MYCT1: variants seen among roughly 807,000 people sequenced by gnomAD.
MYCT1 encodes the protein myc target protein 1.
A neutral mutation model predicts 15.0 loss-of-function variants in MYCT1; 12 were observed. The observed-to-expected ratio is 0.80, with a 90% CI of 0.51 to 1.29. The LOEUF is 1.29. Ranked by LOEUF, MYCT1 falls within the 50% of genes most tolerant of loss-of-function variation. The pLI is 0.00. For missense variants in MYCT1, 287 were observed against 279.1 expected (o/e 1.03, Z -0.20); for synonymous variants, 104 against 102.7 (o/e 1.01, Z -0.07).
chr6:152,725,296 A>G (rs73012968), downstream of MYCT1, among the ~76,000 whole-genome samples: 25 of 152,386 alleles, frequency 1.6e-4, no homozygotes, highest in Non-Finnish European at 3.2e-4. Flanking sequence ...AGTTGTAAAT[A>G]GATAAATTAG....
chr6:152,742,019 T>C, the MYCT1 span, among the ~76,000 whole-genome samples: 1 of 151,606 alleles, frequency 6.6e-6, no homozygotes. Flanking sequence ...CCAAATAGAG[T>C]TGAAATAAGT....
At chr6:152,720,912 A>G (rs2099724581) in intron 1 of MYCT1, among the ~76,000 whole-genome samples, 1 of 152,216 alleles carries the variant, frequency 6.6e-6, no homozygotes, top group Non-Finnish European at 1.5e-5. Flanking sequence ...TTAGTTTACA[A>G]GAGGCAGTAA....
At chr6:152,714,153 T>C (rs771701541) in intron 1 of MYCT1, among the ~76,000 whole-genome samples, 23 of 152,000 alleles carry the variant, frequency 1.5e-4, no homozygotes, top group Non-Finnish European at 2.8e-4. Flanking sequence ...TTTCTCTTTC[T>C]CTCTGTCTCT....
chr6:152,727,431 TGTG>T (rs1423638385), downstream of MYCT1, among the ~76,000 whole-genome samples: 6 of 152,162 alleles, frequency 3.9e-5, no homozygotes, highest in African/African-American at 1.2e-4. Flanking sequence ...CATACTTTGT[TGTG>T]GTAAAATTCT....
At chr6:152,743,374 G>A in the MYCT1 span, among the ~76,000 whole-genome samples, 50 of 152,252 alleles carry the variant, frequency 3.3e-4, no homozygotes, top group Middle Eastern at 3.4e-3. Flanking sequence ...CCCTTGCGTG[G>A]TATTTCTTTG....
At chr6:152,741,039 A>G in the MYCT1 span, among the ~76,000 whole-genome samples, 1 of 152,208 alleles carries the variant, frequency 6.6e-6, no homozygotes. Flanking sequence ...TCTAAAAACA[A>G]TGTGAATTTC....
chr6:152,731,730 TAAGC>T, the MYCT1 span, among the ~76,000 whole-genome samples: 1 of 149,554 alleles, frequency 6.7e-6, no homozygotes, highest in African/African-American at 2.4e-5. Context: ...GCATCACGAG[TAAGC>T]ATCAGAGAAC....
rs1230545616 is a variant in MYCT1, at chr6:152,698,061, A to G, written c.159A>G (p.Thr53=). 6 of 1,603,810 alleles carry G rather than the reference A, an allele frequency of 3.7e-6. No homozygotes were observed. The highest frequency in any genetic ancestry group is 5.1e-6 in the Non-Finnish European group (6 of 1,177,084). The change falls in exon 1 of 2, where the codon ACA becomes ACG. Residue 53 remains threonine (T), a synonymous_variant. Transcript: ENST00000367245. Reference sequence around the variant, plus strand: ...TTGTGGATATTATGGCTAATAACACAACAAGTTTAGGGAGTCCATGGCCAG... The same window carrying G: ...TTGTGGATATTATGGCTAATAACACGACAAGTTTAGGGAGTCCATGGCCAG... ...LFLVDIMANN[T]TSLGSPWPEN...
chr6:152,702,152 A>G (rs763243639), intron 1 of MYCT1, among the ~76,000 whole-genome samples: 2 of 152,144 alleles, frequency 1.3e-5, no homozygotes, highest in African/African-American at 4.8e-5. Context: ...GTCGTATTCT[A>G]TATAGCTCTT....
intron 1 of MYCT1, among the ~76,000 whole-genome samples, chr6:152,701,626 C>G (rs1370298377): frequency 6.6e-6 from 1 of 151,994 alleles, no homozygotes; most frequent in Non-Finnish European, 1.5e-5. Context: ...GAGGGGGGAC[C>G]TTTGTGCTTG....
At chr6:152,731,262 A>G in the MYCT1 span, among the ~76,000 whole-genome samples, 1 of 152,188 alleles carries the variant, frequency 6.6e-6, no homozygotes, top group African/African-American at 2.4e-5. Flanking sequence ...AAATAGGACA[A>G]AGAATATTAC....
chr6:152,745,402 G>GC, the MYCT1 span, among the ~76,000 whole-genome samples: 121 of 152,274 alleles, frequency 7.9e-4, no homozygotes, highest in African/African-American at 2.8e-3. Context: ...GTTGGAGGCT[G>GC]CCTTGAGCTA....
intron 1 of MYCT1, among the ~76,000 whole-genome samples, chr6:152,720,966 G>A (rs1331304596): frequency 1.3e-5 from 2 of 152,142 alleles, no homozygotes; most frequent in Admixed American, 6.5e-5. Flanking sequence ...CCCCAGAAAG[G>A]GAAATCTGAA....
intron 1 of MYCT1, among the ~76,000 whole-genome samples, chr6:152,703,205 A>G (rs139624708): frequency 2.2e-3 from 336 of 152,280 alleles, no homozygotes; most frequent in African/African-American, 6.5e-3. Flanking sequence ...AGTATTTTCA[A>G]TTGGAGGGTT....
chr6:152,702,239 A>G (rs989163787), intron 1 of MYCT1, among the ~76,000 whole-genome samples: 5 of 152,136 alleles, frequency 3.3e-5, no homozygotes, highest in African/African-American at 4.8e-5. Flanking sequence ...TCTTTCCTAT[A>G]CTGTTTATGA....
downstream of MYCT1, among the ~76,000 whole-genome samples, chr6:152,728,565 A>AAC (rs538276776): frequency 6.2e-4 from 95 of 152,298 alleles, no homozygotes; most frequent in African/African-American, 2.1e-3. Flanking sequence ...AACCTTTAAC[A>AAC]ACACTGAAAG....
chr6:152,737,984 C>A, the MYCT1 span, among the ~76,000 whole-genome samples: 1 of 151,906 alleles, frequency 6.6e-6, no homozygotes, highest in East Asian at 1.9e-4. Context: ...GGAATTTATC[C>A]CAATCAAATA....
At chr6:152,739,444 A>G in the MYCT1 span, among the ~76,000 whole-genome samples, 1 of 151,918 alleles carries the variant, frequency 6.6e-6, no homozygotes, top group Non-Finnish European at 1.5e-5. Flanking sequence ...TGATTTTGAT[A>G]TAGATTGATG....
downstream of MYCT1, among the ~76,000 whole-genome samples, chr6:152,726,126 G>A (rs776027754): frequency 1.3e-5 from 2 of 152,150 alleles, no homozygotes; most frequent in Non-Finnish European, 1.5e-5. Flanking sequence ...GCCGGGCGCG[G>A]TGGCTCACGC....
Sources: allele counts gnomAD v4.1 joint callset (sites outside exome capture counted in the v4.1 genomes callset), GRCh38; gene constraint gnomAD v4.1.1; transcripts MANE v1.5; gene names NCBI Gene and HGNC (gene_info 2026-07-23, HGNC 2026-07-21).